Variants in PRDM6 observed in about 807,000 individuals in gnomAD.
The protein encoded by PRDM6 is PR/SET domain 6.
PRDM6 carries 25 observed loss-of-function variants against 60.8 expected under a neutral mutation model. The observed-to-expected ratio is 0.41, with a 90% CI of 0.30 to 0.57. The LOEUF (loss-of-function observed/expected upper bound fraction) is 0.57, where lower values mean the gene tolerates loss of function less well. Ranked by LOEUF, PRDM6 falls within the 20% of genes least tolerant of loss-of-function variation. The pLI is 0.27. For synonymous variants in PRDM6, 407 were observed against 357.4 expected (o/e 1.14, Z -1.57); for missense variants, 839 against 821.3 (o/e 1.02, Z -0.26).
At chr5:123,110,213 A>G (rs1764278690) in intron 3 of PRDM6, among the ~76,000 whole-genome samples, 1 of 152,178 alleles carries the variant, frequency 6.6e-6, no homozygotes. Context: ...ATAAAGAACA[A>G]AAATTTTGAC....
intron 3 of PRDM6, among the ~76,000 whole-genome samples, chr5:123,128,010 C>T (rs1240032693): frequency 6.6e-6 from 1 of 151,512 alleles, no homozygotes; most frequent in Non-Finnish European, 1.5e-5. Context: ...TGAGTGAGAA[C>T]ATGCGGTGTT....
chr5:123,167,339 A>G (rs11241674), intron 5 of PRDM6, among the ~76,000 whole-genome samples: 41,363 of 151,854 alleles, frequency 0.27, 6,203 homozygotes, highest in East Asian at 0.59. Context: ...TTTTGTTTTA[A>G]TATAAAAGGT....
chr5:123,102,211 G>T (rs1764118484), intron 3 of PRDM6, among the ~76,000 whole-genome samples: 1 of 151,944 alleles, frequency 6.6e-6, no homozygotes, highest in Non-Finnish European at 1.5e-5. Context: ...GACTAACTGG[G>T]GCCAGGTAAC....
chr5:123,123,145 A>G (rs1161931583), intron 3 of PRDM6, among the ~76,000 whole-genome samples: 2 of 152,258 alleles, frequency 1.3e-5, no homozygotes, highest in South Asian at 2.1e-4. Flanking sequence ...CTCCCCTGAT[A>G]GGGTGAGAGT....
At chr5:123,153,044 G>A (rs561131382) in intron 3 of PRDM6, among the ~76,000 whole-genome samples, 1 of 152,106 alleles carries the variant, frequency 6.6e-6, no homozygotes, top group Non-Finnish European at 1.5e-5. Context: ...AAAAGCAATG[G>A]TTTGAAAATA....
chr5:123,186,596 C>G (rs1766294443), intron 7 of PRDM6, among the ~76,000 whole-genome samples: 1 of 152,226 alleles, frequency 6.6e-6, no homozygotes, highest in African/African-American at 2.4e-5. Flanking sequence ...CTCACAGTCA[C>G]TGCAGTCTAA....
chr5:123,170,834 A>G lies in PRDM6; in HGVS notation c.1222A>G (p.Ser408Gly). ...CGCCCTGCAGCCCTTCAACAAAAGC[A>G]GCAAACTCGCCCCTACCACCCAGCA... ...QDALQPFNKSSKLAPTTQQRS... is the reference protein window; with the variant it reads ...QDALQPFNKSGKLAPTTQQRS... The change falls in exon 6 of 8, where the codon AGC becomes GGC. Residue 408 changes from serine (S) to glycine (G), a missense_variant. By Grantham distance (56) the Ser-to-Gly change is moderately conservative. Around this residue, in one of 2 missense-constraint regions of PRDM6, gnomAD observed 730 missense variants for 648.8 expected, o/e 1.13. Transcript: ENST00000407847. The G allele has an allele frequency of 3.9e-6, 6 of 1,552,252 alleles. No individual in the cohort carries two copies. The highest frequency in any genetic ancestry group is 5.2e-6 in the Non-Finnish European group (6 of 1,147,110).
At chr5:123,091,680 A>G (rs1342624034) in intron 2 of PRDM6, among the ~76,000 whole-genome samples, 1 of 152,258 alleles carries the variant, frequency 6.6e-6, no homozygotes, top group Admixed American at 6.5e-5. Context: ...TGGAGATAAC[A>G]TTAAAGTGTG....
chr5:123,125,537 CAA>C (rs1764675483), intron 3 of PRDM6, among the ~76,000 whole-genome samples: 1 of 152,170 alleles, frequency 6.6e-6, no homozygotes. Context: ...GCCAGAAATT[CAA>C]AGTCTGCTCA....
intron 3 of PRDM6, among the ~76,000 whole-genome samples, chr5:123,138,136 A>AAAG (rs1346548145): frequency 6.6e-6 from 1 of 152,224 alleles, no homozygotes; most frequent in East Asian, 1.9e-4. Flanking sequence ...TGCCCAAAGA[A>AAAG]AAGAAACTTA....
rs186986736 is a variant in PRDM6, at chr5:123,150,330, C to G, written c.901-5554C>G. 5.7e-4 allele frequency among the ~76,000 whole-genome samples: 87 copies of G among 152,216 alleles called. 1 individual carries two copies. Among genetic ancestry groups the G allele is most frequent in the Admixed American group, 5.4e-3 (83 of 15,294 alleles). ...AGCTCTTAACCTCTGTACTCTACAC[C>G]CTATGGTCGCCCTTAACCATAGTGG... On this transcript the variant is annotated intron_variant, in intron 3 of 7. Transcript: ENST00000407847.
intron 3 of PRDM6, among the ~76,000 whole-genome samples, chr5:123,122,211 C>A (rs1247762104): frequency 6.9e-6 from 1 of 144,518 alleles, no homozygotes; most frequent in African/African-American, 2.5e-5. Context: ...CACCTGTAAC[C>A]TGCTGAATCA....
chr5:123,164,243 G>A (rs1015247371), intron 5 of PRDM6, among the ~76,000 whole-genome samples: 6 of 152,206 alleles, frequency 3.9e-5, no homozygotes, highest in Non-Finnish European at 8.8e-5. Flanking sequence ...GCTCGGGGCT[G>A]TCAGGCTGTC....
intron 5 of PRDM6, among the ~76,000 whole-genome samples, chr5:123,161,041 A>C (rs1399743769): frequency 6.6e-6 from 1 of 152,174 alleles, no homozygotes; most frequent in Non-Finnish European, 1.5e-5. Context: ...CCCATCTACT[A>C]ACATGTACTT....
intron 3 of PRDM6, among the ~76,000 whole-genome samples, chr5:123,145,101 G>C (rs1463271368): frequency 1.3e-5 from 2 of 152,150 alleles, no homozygotes; most frequent in Non-Finnish European, 2.9e-5. Context: ...TTGCATGCTT[G>C]TTTAATGCTG....
intron 3 of PRDM6, among the ~76,000 whole-genome samples, chr5:123,127,645 G>C (rs1462360379): frequency 6.6e-6 from 1 of 152,106 alleles, no homozygotes; most frequent in African/African-American, 2.4e-5. Context: ...CGAAAACAGT[G>C]CTTTTAGAGA....
intron 2 of PRDM6, among the ~76,000 whole-genome samples, chr5:123,098,965 C>T (rs951281126): frequency 6.6e-6 from 1 of 151,824 alleles, no homozygotes; most frequent in Non-Finnish European, 1.5e-5. Context: ...CAGGCTTGCT[C>T]TGCCCCGTCC....
intron 3 of PRDM6, among the ~76,000 whole-genome samples, chr5:123,146,578 G>A (rs1225206450): frequency 6.6e-6 from 1 of 152,278 alleles, no homozygotes; most frequent in Non-Finnish European, 1.5e-5. Flanking sequence ...TTCCAAAATT[G>A]ATACTTTCTC....
At chr5:123,098,039 G>A (rs1763997563) in intron 2 of PRDM6, among the ~76,000 whole-genome samples, 1 of 152,202 alleles carries the variant, frequency 6.6e-6, no homozygotes, top group Non-Finnish European at 1.5e-5. Flanking sequence ...GAAGCAAATG[G>A]CAAATCGAGG....
Sources: gnomAD v4.1 joint callset for allele counts (sites outside exome capture counted in the v4.1 genomes callset) on GRCh38, gnomAD v4.1.1 for gene constraint, gnomAD v4.1.1 regional missense constraint, MANE v1.5 for transcripts, NCBI Gene and HGNC (gene_info 2026-07-23, HGNC 2026-07-21) for gene names.